The following TRHDE variants were observed in gnomAD, a reference collection of about 807,000 sequenced individuals.
TRHDE encodes thyrotropin-releasing hormone-degrading ectoenzyme.
In TRHDE, 72 loss-of-function variants were observed where a neutral mutation model predicts 125.7. The ratio of observed to expected loss-of-function variants is 0.57; its 90% CI spans 0.47 to 0.70. TRHDE has a LOEUF of 0.70. TRHDE is among the 30% of genes least tolerant of loss of function. The pLI is 0.00. For missense variants in TRHDE, 1,110 were observed against 1,327.1 expected (o/e 0.84, Z 2.54); for synonymous variants, 509 against 509.1 (o/e 1.00, Z 0.00).
intron 15 of TRHDE, among the ~76,000 whole-genome samples, chr12:72,644,696 G>A (rs1874208707): frequency 6.6e-6 from 1 of 152,232 alleles, no homozygotes; most frequent in Admixed American, 6.5e-5. Context: ...TCAGCACAGA[G>A]CAAATAGAGG....
chr12:72,277,329 G>A lies in TRHDE; in HGVS notation c.914+3772G>A, dbSNP rs565508583. On this transcript the variant is annotated intron_variant, in intron 1 of 18. Coordinates refer to ENST00000261180, the MANE Select transcript of TRHDE (RefSeq NM_013381.3). Reference sequence around the variant, plus strand: ...TGGTATTTGTGTGATCTGATGCCTTGTAATTTACTCAGAATGAATTAATAC... The same window carrying A: ...TGGTATTTGTGTGATCTGATGCCTTATAATTTACTCAGAATGAATTAATAC... Among the ~76,000 whole-genome samples, 10 of 152,238 alleles carry A rather than the reference G, an allele frequency of 6.6e-5. No homozygotes were observed. The South Asian group carries it at 1.9e-3, about 28-fold the overall frequency.
At chr12:72,253,879 G>A (rs1044838704) in intron 2 of TRHDE, 2 of 151,930 alleles carry the variant, frequency 1.3e-5, no homozygotes, top group African/African-American at 4.8e-5. Context: ...TGAAAATTGA[G>A]TCTTGGTGGA....
chr12:72,242,157 A>G (rs941485744), intron 2 of TRHDE, among the ~76,000 whole-genome samples: 1 of 152,178 alleles, frequency 6.6e-6, no homozygotes, highest in East Asian at 1.9e-4. Context: ...ATGTTCATCA[A>G]TTTTTAAATA....
At chr12:72,165,528 T>C (rs1313534353) in intron 2 of TRHDE, among the ~76,000 whole-genome samples, 1 of 152,056 alleles carries the variant, frequency 6.6e-6, no homozygotes, top group Non-Finnish European at 1.5e-5. Context: ...TACCTCAGAG[T>C]ATTTTTTGGT....
intron 6 of TRHDE, among the ~76,000 whole-genome samples, chr12:72,520,312 C>G (rs980962249): frequency 6.6e-6 from 1 of 152,200 alleles, no homozygotes; most frequent in Admixed American, 6.5e-5. Flanking sequence ...GCGTAAGACC[C>G]TCCGAGCCAG....
chr12:72,642,503 G>A (rs1874106287), intron 15 of TRHDE, among the ~76,000 whole-genome samples: 1 of 152,090 alleles, frequency 6.6e-6, no homozygotes, highest in Non-Finnish European at 1.5e-5. Context: ...TTTCTGTAAT[G>A]TCAGTATCCT....
At chr12:72,376,374 A>G (rs925518993) in intron 2 of TRHDE, among the ~76,000 whole-genome samples, 1 of 152,138 alleles carries the variant, frequency 6.6e-6, no homozygotes. Flanking sequence ...TACTTCAGAT[A>G]TTGCATGTTT....
At chr12:72,470,157 C>T (rs1242124075) in intron 4 of TRHDE, among the ~76,000 whole-genome samples, 2 of 152,204 alleles carry the variant, frequency 1.3e-5, no homozygotes, top group African/African-American at 4.8e-5. Flanking sequence ...ATGGCACTGC[C>T]ACCCAGCAGC....
At chr12:72,552,701 A>G (rs1262357609) in intron 7 of TRHDE, among the ~76,000 whole-genome samples, 1 of 152,182 alleles carries the variant, frequency 6.6e-6, no homozygotes, top group African/African-American at 2.4e-5. Flanking sequence ...ATTTCAGTGG[A>G]GTAGGTTAAA....
At chr12:72,266,994 T>C (rs1361626085) in intron 2 of TRHDE, among the ~76,000 whole-genome samples, 2 of 152,226 alleles carry the variant, frequency 1.3e-5, no homozygotes, top group South Asian at 2.1e-4. Context: ...GCTATTATTA[T>C]TATTTTCATT....
chr12:72,604,225 C>T (rs961595267), intron 12 of TRHDE, among the ~76,000 whole-genome samples: 2 of 152,084 alleles, frequency 1.3e-5, no homozygotes, highest in African/African-American at 4.8e-5. Flanking sequence ...AAACAAACTA[C>T]AGACAAATCC....
intron 5 of TRHDE, among the ~76,000 whole-genome samples, chr12:72,486,697 A>C (rs1319796362): frequency 6.6e-6 from 1 of 152,202 alleles, no homozygotes; most frequent in Non-Finnish European, 1.5e-5. Flanking sequence ...GCTTAGAATA[A>C]GTGACCGCAC....
chr12:72,273,433 G>T lies in TRHDE; in HGVS notation c.790G>T (p.Val264Leu). 1 of 1,614,124 alleles carries T rather than the reference G, an allele frequency of 6.2e-7. No homozygotes were observed. Among genetic ancestry groups the T allele is most frequent in the Non-Finnish European group, 8.5e-7 (1 of 1,180,046 alleles). Residue 264 changes from valine to leucine, a missense_variant, in exon 1 of 19, where the codon GTG becomes TTG. Around this residue, in one of 5 missense-constraint regions of TRHDE, gnomAD observed 252 missense variants for 274.8 expected, o/e 0.92. Transcript: ENST00000261180. The surrounding 1 kb of genome is among the most constrained non-coding windows in gnomAD (Gnocchi z 5.3). Reference protein sequence around the residue: ...FLYPQTQVLVVVLNRTLDAQR... With the variant: ...FLYPQTQVLVLVLNRTLDAQR... ...CTACCCGCAAACCCAGGTCTTAGTG[G>T]TGGTGCTGAATAGGACACTGGACGC...
intron 7 of TRHDE, among the ~76,000 whole-genome samples, chr12:72,555,199 C>T (rs146388568): frequency 3.2e-4 from 48 of 152,254 alleles, no homozygotes; most frequent in Non-Finnish European, 5.7e-4. Context: ...AGCAAACTAT[C>T]TGAATACTCC....
chr12:72,221,272 A>G (rs1433370707), intron 2 of TRHDE, among the ~76,000 whole-genome samples: 1 of 152,132 alleles, frequency 6.6e-6, no homozygotes, highest in Non-Finnish European at 1.5e-5. Flanking sequence ...ATGCTTAAGA[A>G]TAAATTTATG....
At chr12:72,662,153 C>A (rs1418209465) in intron 18 of TRHDE, among the ~76,000 whole-genome samples, 1 of 152,130 alleles carries the variant, frequency 6.6e-6, no homozygotes, top group African/African-American at 2.4e-5. Flanking sequence ...GTGGTGCCCA[C>A]CATATGATGA....
At chr12:72,350,988 T>A (rs1251301335) in intron 2 of TRHDE, among the ~76,000 whole-genome samples, 2 of 151,954 alleles carry the variant, frequency 1.3e-5, no homozygotes, top group Non-Finnish European at 2.9e-5. Context: ...ACTGTGAACT[T>A]GAAGGAAAAA....
chr12:72,652,216 TA>T, intron 15 of TRHDE, 105 bp from the exon 16 acceptor site: 1 of 708,526 alleles, frequency 1.4e-6, no homozygotes, highest in Non-Finnish European at 2.0e-6. Flanking sequence ...ATTAGCAAAA[TA>T]ATCTTTTAAA....
intron 18 of TRHDE, among the ~76,000 whole-genome samples, chr12:72,661,371 T>C (rs1475386273): frequency 6.6e-6 from 1 of 152,186 alleles, no homozygotes; most frequent in African/African-American, 2.4e-5. Flanking sequence ...CTCTCTGGTG[T>C]ATTCAGTGAC....
Sources: gnomAD v4.1 joint callset for allele counts (sites outside exome capture counted in the v4.1 genomes callset) on GRCh38, gnomAD v4.1.1 for gene constraint, gnomAD v4.1.1 regional missense constraint, Gnocchi (gnomAD v3.1) non-coding constraint, MANE v1.5 for transcripts, NCBI Gene and HGNC (gene_info 2026-07-23, HGNC 2026-07-21) for gene names.